PLA2G2D: variants seen among roughly 807,000 people sequenced by gnomAD.
PLA2G2D encodes the protein group IID secretory phospholipase A2.
PLA2G2D carries 17 observed loss-of-function variants against 13.9 expected under a neutral mutation model. That is an observed-to-expected ratio of 1.23 (90% CI 0.84 to 1.84). The LOEUF is 1.84. Among genes scored for constraint, PLA2G2D ranks in the 40% most tolerant of loss-of-function variants. PLA2G2D has a pLI of 0.00. For missense variants in PLA2G2D, 194 were observed against 178.7 expected (o/e 1.09, Z -0.49); for synonymous variants, 83 against 69.3 (o/e 1.20, Z -0.98).
In PLA2G2D at chr1:20,117,184, AC is replaced by A. The variant is rs1050423087; in HGVS notation, c.41-708del. Among the ~76,000 whole-genome samples, 14 of 152,312 alleles carry A rather than the reference AC, an allele frequency of 9.2e-5. No individual in the cohort carries two copies. In the East Asian group the frequency reaches 2.5e-3, roughly 27 times the overall value. On this transcript the variant is annotated intron_variant, in intron 1 of 3. Coordinates refer to ENST00000375105, the MANE Select transcript of PLA2G2D (RefSeq NM_012400.4). ...TCTTACTTGTGATTCATTTGTTAAA[AC>A]CAACACTGGTACAATGAATATTATT...
intron 3 of PLA2G2D, 51 bp from the exon 4 acceptor site, chr1:20,114,310 G>A (rs2016940684): frequency 1.3e-6 from 2 of 1,574,788 alleles, no homozygotes; most frequent in East Asian, 4.5e-5. Flanking sequence ...CGAGACAGAG[G>A]CAGGTATGAG....
chr1:20,118,693 G>A (rs998721540), intron 1 of PLA2G2D, among the ~76,000 whole-genome samples: 15 of 152,170 alleles, frequency 9.9e-5, no homozygotes, highest in African/African-American at 3.6e-4. Context: ...TTGGTGATTT[G>A]GCTAAAGTCA....
Position 20,119,518 on chromosome 1 carries a change from G to A in PLA2G2D, c.-20C>T. ...TTCCATGATCCCAGCACAGAGCAGTGGAGGCAGATGCTGGCAGTCCCTTTC... is the reference window on the plus strand; with the variant it reads ...TTCCATGATCCCAGCACAGAGCAGTAGAGGCAGATGCTGGCAGTCCCTTTC... On this transcript the variant is annotated 5_prime_UTR_variant, in exon 1 of 4. Coordinates refer to ENST00000375105, the MANE Select transcript of PLA2G2D (RefSeq NM_012400.4). 1 of 1,613,170 alleles carries A rather than the reference G, an allele frequency of 6.2e-7. No individual in the cohort carries two copies.
In PLA2G2D at chr1:20,117,834, G is replaced by A. The variant is rs193150834; in HGVS notation, c.41-1357C>T. Among the ~76,000 whole-genome samples the A allele has an allele frequency of 7.9e-5, 12 of 152,226 alleles. No individual in the cohort carries two copies. In the East Asian group the frequency reaches 1.7e-3, roughly 22 times the overall value. ...GTGGGTGAGCCACACATTGGGGACC[G>A]TTGGGCTGGGAAGGGTGGTTGGGAG... On this transcript the variant is annotated intron_variant, in intron 1 of 3. Coordinates refer to ENST00000375105, the MANE Select transcript of PLA2G2D (RefSeq NM_012400.4).
Position 20,113,837 on chromosome 1 carries a change from C to T in PLA2G2D, c.*277G>A, listed in dbSNP as rs2100672812. The T allele has an allele frequency of 1.4e-5, 5 of 368,158 alleles. No individual in the cohort carries two copies. In the South Asian group the frequency reaches 3.0e-4, roughly 22 times the overall value. The allele number at this position is 368,158 out of a possible 1,614,324, so 22.8% of individuals were successfully genotyped here. A position where few individuals can be genotyped will look rare whatever the true frequency, so the allele number is the denominator to read the frequency against. Reference sequence around the variant, plus strand: ...AGGTGGGGGACAGCGGCAGACCCCTCCCCCACCCCGATGCTTTGGTCCAAA... The same window carrying T: ...AGGTGGGGGACAGCGGCAGACCCCTTCCCCACCCCGATGCTTTGGTCCAAA... On this transcript the variant is annotated 3_prime_UTR_variant, in exon 4 of 4. Transcript: ENST00000375105.
chr1:20,114,295 T>C, intron 3 of PLA2G2D, 36 bp from the exon 4 acceptor site: 2 of 1,593,050 alleles, frequency 1.3e-6, no homozygotes, highest in Non-Finnish European at 1.7e-6. Flanking sequence ...GTGTTTGTCC[T>C]TTTCCGAGAC....
chr1:20,118,869 T>A (rs891030769), intron 1 of PLA2G2D, among the ~76,000 whole-genome samples: 1 of 152,186 alleles, frequency 6.6e-6, no homozygotes, highest in Non-Finnish European at 1.5e-5. Context: ...CTCTAGAGAA[T>A]TTCAGAGTCC....
At position 20,112,042 on chromosome 1, in the gene PLA2G2D, C is replaced by G. The variant is rs1036980568; in HGVS notation, c.*2072G>C. ...AGTGCAGTGTCGCGATCTGGGCTCA[C>G]TGAAACCTCTGCCTCCCAGGTCCAA... On this transcript the variant is annotated 3_prime_UTR_variant, in exon 4 of 4. Coordinates refer to ENST00000375105, the MANE Select transcript of PLA2G2D (RefSeq NM_012400.4). 5 of 151,456 alleles carry G rather than the reference C, an allele frequency of 3.3e-5. No homozygotes were observed. The highest frequency in any genetic ancestry group is 7.4e-5 in the Non-Finnish European group (5 of 67,982). The allele number at this position is 151,456 out of a possible 1,614,324, so 9.4% of individuals were successfully genotyped here.
intron 1 of PLA2G2D, 133 bp downstream of exon 1, chr1:20,119,326 G>A: frequency 2.4e-6 from 2 of 821,666 alleles, no homozygotes; most frequent in Non-Finnish European, 4.3e-6. Context: ...TTTGCAGAGG[G>A]GCAGAAGGAT....
intron 3 of PLA2G2D, 150 bp downstream of exon 3, chr1:20,115,357 C>G: frequency 1.5e-6 from 1 of 645,396 alleles, no homozygotes; most frequent in South Asian, 1.8e-5. Flanking sequence ...TACCCCCATA[C>G]CCATTCTTGC....
intron 1 of PLA2G2D, 83 bp from the exon 2 acceptor site, chr1:20,116,560 C>T (rs1239847105): frequency 1.6e-6 from 2 of 1,267,670 alleles, no homozygotes; most frequent in Non-Finnish European, 2.3e-6. Context: ...CACCTCTGCT[C>T]TGCCCAGACC....
In PLA2G2D at chr1:20,115,518, T is replaced by A. The variant is rs754778184; in HGVS notation, c.281A>T (p.Asn94Ile). 8 of 1,593,316 alleles carry A rather than the reference T, an allele frequency of 5.0e-6. No homozygotes were observed. The South Asian group carries it at 8.8e-5, about 18-fold the overall frequency. Residue 94 changes from asparagine to isoleucine, a missense_variant, in exon 3 of 4, where the codon AAC becomes ATC. Transcript: ENST00000375105. ...GTCTGCGTACTCACAGCAGTGGATG[T>A]TCCCCTGGGAAAAGTTGTATCTGTA... is the stretch of plus-strand genomic sequence containing the variant. ...DYYRYNFSQGNIHCSDKGSWC... is the reference protein window; with the variant it reads ...DYYRYNFSQGIIHCSDKGSWC...
intron 1 of PLA2G2D, among the ~76,000 whole-genome samples, chr1:20,119,139 AGGTAGG>A (rs2017041018): frequency 6.6e-6 from 1 of 152,018 alleles, no homozygotes; most frequent in Non-Finnish European, 1.5e-5. Context: ...TCAGTGGGAG[AGGTAGG>A]GGTGAAGTGA....
Position 20,112,451 on chromosome 1 carries a change from A to C in PLA2G2D, c.*1663T>G, listed in dbSNP as rs2016902937. On this transcript the variant is annotated 3_prime_UTR_variant, in exon 4 of 4. Coordinates refer to ENST00000375105, the MANE Select transcript of PLA2G2D (RefSeq NM_012400.4). ...CTTCATTCCTATGACACCACTTCAC[A>C]TGAGTCACCACATCTCAGAACTGCT... 6.6e-6 allele frequency: 1 copy of C among 152,152 alleles called. No individual in the cohort carries two copies. 9.4% of individuals were successfully genotyped at this position (152,152 alleles called of 1,614,324 possible). A position where few individuals can be genotyped will look rare whatever the true frequency, so the allele number is the denominator to read the frequency against.
At chr1:20,114,280 G>A (rs377084575) in intron 3 of PLA2G2D, 21 bp from the exon 4 acceptor site, 2 of 1,608,704 alleles carry the variant, frequency 1.2e-6, no homozygotes, top group African/African-American at 1.3e-5. Context: ...AGAAGGGGGA[G>A]CTATGTGTTT....
At chr1:20,118,799 T>C (rs2017036037) in intron 1 of PLA2G2D, among the ~76,000 whole-genome samples, 1 of 152,198 alleles carries the variant, frequency 6.6e-6, no homozygotes, top group South Asian at 2.1e-4. Context: ...GAGAGATGAA[T>C]TTTTGCAGCT....
chr1:20,119,467 A>G lies in PLA2G2D; in HGVS notation c.32T>C (p.Val11Ala), dbSNP rs1453986748. The change falls in exon 1 of 4, where the codon GTG becomes GCG. Residue 11 changes from valine to alanine, a missense_variant. Val to Ala is a moderately conservative substitution (Grantham distance 64). Coordinates refer to ENST00000375105, the MANE Select transcript of PLA2G2D (RefSeq NM_012400.4). ...TCCCGTCCCCGACTCACCAGCCATC[A>G]CCACCAGCCCACACAGCAGTGCAAG... MELALLCGLVVMAGVIPIQGG... is the reference protein window; with the variant it reads MELALLCGLVAMAGVIPIQGG... 1 of 1,613,576 alleles carries G rather than the reference A, an allele frequency of 6.2e-7. No individual in the cohort carries two copies. The highest frequency in any genetic ancestry group is 8.5e-7 in the Non-Finnish European group (1 of 1,179,710).
chr1:20,118,399 C>A (rs1415045845), intron 1 of PLA2G2D, among the ~76,000 whole-genome samples: 1 of 152,180 alleles, frequency 6.6e-6, no homozygotes, highest in Admixed American at 6.5e-5. Flanking sequence ...GGAGCTGGAG[C>A]TGTGGCTGGG....
In PLA2G2D at chr1:20,114,040, G is replaced by T. The variant is rs1348775212; in HGVS notation, c.*74C>A. ...CCCCCCGGAGTGTTTGAAAAGCCAG[G>T]CTGGTTCAGGTTAGATACTGAGGTG... is the stretch of plus-strand genomic sequence containing the variant. On this transcript the variant is annotated 3_prime_UTR_variant, in exon 4 of 4. Coordinates refer to ENST00000375105, the MANE Select transcript of PLA2G2D (RefSeq NM_012400.4). 8 of 1,428,570 alleles carry T rather than the reference G, an allele frequency of 5.6e-6. No homozygotes were observed. In the South Asian group the frequency reaches 7.7e-5, roughly 14 times the overall value. The allele number at this position is 1,428,570 out of a possible 1,614,324, so 88.5% of individuals were successfully genotyped here.
Sources: gnomAD v4.1 joint callset for allele counts (sites outside exome capture counted in the v4.1 genomes callset) on GRCh38, gnomAD v4.1.1 for gene constraint, MANE v1.5 for transcripts, NCBI Gene and HGNC (gene_info 2026-07-23, HGNC 2026-07-21) for gene names.